The following CSMD3 variants were observed in gnomAD, a reference collection of about 807,000 sequenced individuals.
The protein encoded by CSMD3 is CUB and sushi domain-containing protein 3.
A neutral mutation model predicts 435.2 loss-of-function variants in CSMD3; 177 were observed. The observed-to-expected ratio is 0.41, with a 90% CI of 0.36 to 0.46. The LOEUF (loss-of-function observed/expected upper bound fraction) is 0.46, where lower values mean the gene tolerates loss of function less well. Ranked by LOEUF, CSMD3 falls within the 20% of genes least tolerant of loss-of-function variation. The pLI is 0.34. For missense variants in CSMD3, 4,265 were observed against 4,504.6 expected, an observed-to-expected ratio of 0.95 and a Z score of 1.52; for synonymous variants, 1,656 against 1,520.5, an observed-to-expected ratio of 1.09 and a Z score of -2.07.
intron 22 of CSMD3, among the ~76,000 whole-genome samples, chr8:112,620,968 C>T (rs1024277591): frequency 3.3e-5 from 5 of 152,088 alleles, no homozygotes; most frequent in East Asian, 1.9e-4. Flanking sequence ...CAGGTGCAGT[C>T]GCTCATGCCT....
At chr8:112,386,617 C>T (rs1829984082) in intron 36 of CSMD3, among the ~76,000 whole-genome samples, 1 of 152,110 alleles carries the variant, frequency 6.6e-6, no homozygotes, top group African/African-American at 2.4e-5. Context: ...CCTGCCTCAG[C>T]CTCCCGAGTA....
intron 35 of CSMD3, among the ~76,000 whole-genome samples, chr8:112,398,920 CT>C (rs201965219): frequency 0.016 from 2,348 of 143,508 alleles, 38 homozygotes; most frequent in South Asian, 0.075. Context: ...TGATTAAACT[CT>C]TTTTTTTTTT....
chr8:113,209,965 T>C (rs1205167800), intron 3 of CSMD3, among the ~76,000 whole-genome samples: 1 of 151,818 alleles, frequency 6.6e-6, no homozygotes, highest in Non-Finnish European at 1.5e-5. Flanking sequence ...AACAATTGAC[T>C]CTGTTTATGA....
chr8:113,072,771 G>C (rs559932118), intron 5 of CSMD3, among the ~76,000 whole-genome samples: 1 of 151,726 alleles, frequency 6.6e-6, no homozygotes, highest in Admixed American at 6.6e-5. Flanking sequence ...CTTACTTCTA[G>C]CTGATGAGCA....
intron 3 of CSMD3, among the ~76,000 whole-genome samples, chr8:113,258,812 A>C (rs182963006): frequency 6.6e-6 from 1 of 152,242 alleles, no homozygotes; most frequent in African/African-American, 2.4e-5. Flanking sequence ...TTAGGAGTCT[A>C]GTGTAGTAGT....
intron 13 of CSMD3, among the ~76,000 whole-genome samples, chr8:112,774,402 T>G (rs2078195831): frequency 6.6e-6 from 1 of 152,058 alleles, no homozygotes; most frequent in Non-Finnish European, 1.5e-5. Flanking sequence ...GTGAGAATTT[T>G]CCGTACTTTA....
chr8:112,325,351 A>C (rs2130896059), intron 45 of CSMD3, among the ~76,000 whole-genome samples: 1 of 152,186 alleles, frequency 6.6e-6, no homozygotes, highest in Non-Finnish European at 1.5e-5. Flanking sequence ...CTCTTTTATA[A>C]CTTTGAACAT....
At chr8:112,434,315 A>C (rs1299050329) in intron 32 of CSMD3, among the ~76,000 whole-genome samples, 1 of 152,186 alleles carries the variant, frequency 6.6e-6, no homozygotes, top group Non-Finnish European at 1.5e-5. Context: ...TTGTTTTTAT[A>C]CAATTTACGA....
intron 3 of CSMD3, among the ~76,000 whole-genome samples, chr8:113,219,342 T>C (rs946332298): frequency 1.3e-5 from 2 of 151,060 alleles, no homozygotes; most frequent in Non-Finnish European, 1.5e-5. Context: ...AGAGAAGCAA[T>C]GATAAACCTA....
chr8:112,586,326 A>G (rs1392264256), intron 23 of CSMD3, among the ~76,000 whole-genome samples: 1 of 151,518 alleles, frequency 6.6e-6, no homozygotes, highest in Admixed American at 6.6e-5. Flanking sequence ...ACTATTTTAA[A>G]AACATTTAAA....
intron 1 of CSMD3, among the ~76,000 whole-genome samples, chr8:113,352,009 C>G (rs553785424): frequency 6.6e-6 from 1 of 152,098 alleles, no homozygotes; most frequent in Non-Finnish European, 1.5e-5. Context: ...CCATGAATGT[C>G]TGTCTCATCT....
At chr8:113,414,240 G>A (rs1469524542) in intron 1 of CSMD3, among the ~76,000 whole-genome samples, 1 of 152,108 alleles carries the variant, frequency 6.6e-6, no homozygotes, top group Non-Finnish European at 1.5e-5. Context: ...TCTGTTTAAT[G>A]TTAATAATTT....
chr8:112,394,294 T>C (rs1303889016), intron 35 of CSMD3, among the ~76,000 whole-genome samples: 1 of 152,198 alleles, frequency 6.6e-6, no homozygotes, highest in Non-Finnish European at 1.5e-5. Context: ...ATAATCTTCC[T>C]ATCCAAATCA....
chr8:112,292,389 G>A lies in CSMD3; in HGVS notation c.8788+148C>T, dbSNP rs1315489925. The A allele has an allele frequency of 7.8e-6, 5 of 644,422 alleles. No individual in the cohort carries two copies. In the East Asian group the frequency reaches 1.1e-4, roughly 14 times the overall value. The allele number at this position is 644,422 out of a possible 1,614,324, so 39.9% of individuals were successfully genotyped here. On this transcript the variant is annotated intron_variant, in intron 55 of 70. Transcript: ENST00000297405. ...ACAAATTTAGAAAAAGGAAAGCATT[G>A]TTAATGAGATGACATCAGTATTAAA...
At chr8:112,593,820 G>T (rs767416300) in intron 22 of CSMD3, among the ~76,000 whole-genome samples, 1 of 152,106 alleles carries the variant, frequency 6.6e-6, no homozygotes, top group Non-Finnish European at 1.5e-5. Flanking sequence ...ATTGATTTGG[G>T]CAATTAAGAG....
intron 19 of CSMD3, among the ~76,000 whole-genome samples, chr8:112,647,924 G>C (rs765091117): frequency 3.3e-5 from 5 of 152,180 alleles, no homozygotes; most frequent in Non-Finnish European, 5.9e-5. Context: ...TAAGGCACCT[G>C]TAGCAGTATC....
At chr8:112,952,767 C>T (rs1275209158) in intron 8 of CSMD3, among the ~76,000 whole-genome samples, 1 of 151,362 alleles carries the variant, frequency 6.6e-6, no homozygotes, top group African/African-American at 2.4e-5. Context: ...TGAATAAATG[C>T]AAAATTTATT....
chr8:113,348,745 A>C (rs974030167), intron 1 of CSMD3, among the ~76,000 whole-genome samples: 1 of 151,898 alleles, frequency 6.6e-6, no homozygotes, highest in African/African-American at 2.4e-5. Flanking sequence ...GGGTTTTTTT[A>C]TTTGTTTTAT....
chr8:112,570,239 C>T (rs1829396497), intron 24 of CSMD3, among the ~76,000 whole-genome samples: 1 of 152,104 alleles, frequency 6.6e-6, no homozygotes, highest in African/African-American at 2.4e-5. Flanking sequence ...ATTCAGATGA[C>T]ATCTTAATTC....
Sources: gnomAD v4.1 joint callset for allele counts (sites outside exome capture counted in the v4.1 genomes callset) on GRCh38, gnomAD v4.1.1 for gene constraint, MANE v1.5 for transcripts, NCBI Gene and HGNC (gene_info 2026-07-23, HGNC 2026-07-21) for gene names.